Variants in HSD11B1L observed in about 807,000 individuals in gnomAD.
HSD11B1L encodes hydroxysteroid 11-beta dehydrogenase 1 like.
Under a neutral mutation model 27.0 loss-of-function variants are expected in HSD11B1L, and 22 were observed. That is an observed-to-expected ratio of 0.81 (90% CI 0.58 to 1.16). The LOEUF is 1.16. Among genes scored for constraint, HSD11B1L ranks in the 50% most tolerant of loss-of-function variants. The pLI, the probability that HSD11B1L is intolerant of heterozygous loss-of-function variation, is 0.00. For synonymous variants in HSD11B1L, 187 were observed against 189.2 expected, an observed-to-expected ratio of 0.99 and a Z score of 0.09; for missense variants, 372 against 401.8, an observed-to-expected ratio of 0.93 and a Z score of 0.63.
rs1346356766 is a variant in HSD11B1L at position 5,687,676 on chromosome 19, C to G, written c.668+8C>G. ...CGCCGCCGAGGCAGTCAGGTGAGGC[C>G]CGGACAAGCTGGGGGCTGGGCTGGG... On this transcript the variant is annotated splice_region_variant and intron_variant, in intron 7 of 7. Transcript: ENST00000339423. This position sits in a 1 kb window ranked among gnomAD's most constrained non-coding sequence, Gnocchi z 6.6. 1 of 1,570,990 alleles carries G rather than the reference C, an allele frequency of 6.4e-7. No homozygotes were observed. The highest frequency in any genetic ancestry group is 8.6e-7 in the Non-Finnish European group (1 of 1,163,790).
rs1287228024 is a variant in HSD11B1L, at chr19:5,685,830, G to A, written c.205-586G>A. ...GAGTCAGGAGAATCACTTGAACCCC[G>A]GAGGCAGAGGTTGCAGTGAGCCGAG... On this transcript the variant is annotated intron_variant, in intron 3 of 7. Coordinates refer to ENST00000339423, the MANE Select transcript of HSD11B1L (RefSeq NM_198706.3). The surrounding 1 kb of genome is among the most constrained non-coding windows in gnomAD (Gnocchi z 4.3). Among the ~76,000 whole-genome samples the A allele has an allele frequency of 2.6e-5, 4 of 152,118 alleles. No individual in the cohort carries two copies. Among genetic ancestry groups the A allele is most frequent in the African/African-American group, 7.2e-5 (3 of 41,428 alleles).
At chr19:5,681,620 G>GTCCA (rs547679811) in intron 1 of HSD11B1L, among the ~76,000 whole-genome samples, 5,719 of 149,600 alleles carry the variant, frequency 0.038, 285 homozygotes, top group African/African-American at 0.12. Context: ...TCATCTATCC[G>GTCCA]TCCATCCATC....
chr19:5,684,092 C>G, intron 1 of HSD11B1L: 1 of 465,828 alleles, frequency 2.1e-6, no homozygotes, highest in Non-Finnish European at 3.9e-6. Flanking sequence ...TCTCCTGCCT[C>G]AGCCTCCCAA....
In HSD11B1L at chr19:5,687,750, C is replaced by T; in HGVS notation, c.669-3C>T. On this transcript the variant is annotated splice_polypyrimidine_tract_variant and splice_region_variant and intron_variant, in intron 7 of 7. Coordinates refer to ENST00000339423, the MANE Select transcript of HSD11B1L (RefSeq NM_198706.3). This position sits in a 1 kb window ranked among gnomAD's most constrained non-coding sequence, Gnocchi z 6.6. ...AGTCCCCACCGTGCCCTCCTGTCCCCAGGGGAGTCACGAGGGTCAAGGCGG... is the reference window on the plus strand; with the variant it reads ...AGTCCCCACCGTGCCCTCCTGTCCCTAGGGGAGTCACGAGGGTCAAGGCGG... 4 of 1,485,850 alleles carry T rather than the reference C, an allele frequency of 2.7e-6. No individual in the cohort carries two copies. Among genetic ancestry groups the T allele is most frequent in the Non-Finnish European group, 3.6e-6 (4 of 1,123,974 alleles). The allele number at this position is 1,485,850 out of a possible 1,614,324, so 92.0% of individuals were successfully genotyped here.
At position 5,688,215 on chromosome 19, in the gene HSD11B1L, T is replaced by C; in HGVS notation, c.*270T>C. ...GATTGATGACGTGACTGCTTCCATTTTGCAGATGAGGAAACTAAGGCTCAG... is the reference window on the plus strand; with the variant it reads ...GATTGATGACGTGACTGCTTCCATTCTGCAGATGAGGAAACTAAGGCTCAG... On this transcript the variant is annotated 3_prime_UTR_variant, in exon 8 of 8. Transcript: ENST00000339423. 6.5e-7 allele frequency: 1 copy of C among 1,539,138 alleles called. No individual in the cohort carries two copies. Among genetic ancestry groups the C allele is most frequent in the South Asian group, 1.2e-5 (1 of 83,282 alleles).
chr19:5,683,247 C>G (rs1375934337), intron 1 of HSD11B1L, among the ~76,000 whole-genome samples: 2 of 150,708 alleles, frequency 1.3e-5, no homozygotes, highest in African/African-American at 4.9e-5. Flanking sequence ...GACTGTTTCT[C>G]TCTTTCACCT....
rs896693102 is a variant in HSD11B1L, at chr19:5,685,858, C to T, written c.205-558C>T. 5.3e-5 allele frequency among the ~76,000 whole-genome samples: 8 copies of T among 152,156 alleles called. No homozygotes were observed. The highest frequency in any genetic ancestry group is 1.0e-4 in the Non-Finnish European group (7 of 68,030). Reference sequence around the variant, plus strand: ...GGCAGAGGTTGCAGTGAGCCGAGATCGCACTACTGCACTCCAGCCTGGGCA... The same window carrying T: ...GGCAGAGGTTGCAGTGAGCCGAGATTGCACTACTGCACTCCAGCCTGGGCA... On this transcript the variant is annotated intron_variant, in intron 3 of 7. Transcript: ENST00000339423. The surrounding 1 kb of genome is among the most constrained non-coding windows in gnomAD (Gnocchi z 4.3).
chr19:5,687,146 TG>T lies in HSD11B1L; in HGVS notation c.409-135del. ...CTAGCCCAAGCCCCTGCTCCGGCCT[TG>T]ACCCCGCCCTCGGACCCGCCTTCCG... is the stretch of plus-strand genomic sequence containing the variant. On this transcript the variant is annotated intron_variant, in intron 5 of 7. Coordinates refer to ENST00000339423, the MANE Select transcript of HSD11B1L (RefSeq NM_198706.3). The surrounding 1 kb of genome is among the most constrained non-coding windows in gnomAD (Gnocchi z 6.6). 1 of 1,179,008 alleles carries T rather than the reference TG, an allele frequency of 8.5e-7. No homozygotes were observed. Among genetic ancestry groups the T allele is most frequent in the Non-Finnish European group, 1.2e-6 (1 of 836,148 alleles). The allele number at this position is 1,179,008 out of a possible 1,614,324, so 73.0% of individuals were successfully genotyped here. A position where few individuals can be genotyped will look rare whatever the true frequency, so the allele number is the denominator to read the frequency against.
rs1439016787 is a variant in HSD11B1L at position 5,687,639 on chromosome 19, A to T, written c.639A>T (p.Arg213=). ...VAITMCVLGL[R]DRASAAEAVR... is the part of the protein sequence containing the mutation. ...TCACCATGTGCGTCCTGGGCCTCCG[A>T]GATCGCGCCTCCGCCGCCGAGGCAG... The change falls in exon 7 of 8, where the codon CGA becomes CGT. Residue 213 remains arginine, a synonymous_variant. Coordinates refer to ENST00000339423, the MANE Select transcript of HSD11B1L (RefSeq NM_198706.3). This position sits in a 1 kb window ranked among gnomAD's most constrained non-coding sequence, Gnocchi z 6.6. The T allele has an allele frequency of 6.3e-7, 1 of 1,593,894 alleles. No homozygotes were observed. Among genetic ancestry groups the T allele is most frequent in the Non-Finnish European group, 8.5e-7 (1 of 1,176,130 alleles).
chr19:5,681,064 C>A lies in HSD11B1L; in HGVS notation c.-222C>A, dbSNP rs1383055911. ...AGACCAGGCGGGCACTGTTGCCCGG[C>A]GACGCTCCGGCGCTGGGTCCCCGAG... On this transcript the variant is annotated 5_prime_UTR_variant, in exon 1 of 8. Coordinates refer to ENST00000339423, the MANE Select transcript of HSD11B1L (RefSeq NM_198706.3). 1 of 152,478 alleles carries A rather than the reference C, an allele frequency of 6.6e-6. No homozygotes were observed. The highest frequency in any genetic ancestry group is 2.4e-5 in the African/African-American group (1 of 41,426). 9.4% of individuals were successfully genotyped at this position (152,478 alleles called of 1,614,324 possible).
intron 1 of HSD11B1L, among the ~76,000 whole-genome samples, chr19:5,684,511 C>T (rs1437072492): frequency 4.6e-5 from 7 of 152,214 alleles, no homozygotes; most frequent in Non-Finnish European, 1.0e-4. Context: ...CAGGTCCACA[C>T]AGGGCGTTTG....
chr19:5,684,993 C>T lies in HSD11B1L; in HGVS notation c.78C>T (p.Ser26=). 6.2e-7 allele frequency: 1 copy of T among 1,607,860 alleles called. No homozygotes were observed. The highest frequency in any genetic ancestry group is 8.5e-7 in the Non-Finnish European group (1 of 1,177,228). ...GACCACCCCGGCTATGGCCAGCCAG[C>T]CTCCAGGGAGCGCGAGTGCTGCTGA... ...YYWDDNFDPA[S]LQGARVLLTG... Residue 26 remains serine, a synonymous_variant, in exon 3 of 8, where the codon AGC becomes AGT. Transcript: ENST00000339423.
At chr19:5,686,815 C>T (rs1191346730) in intron 4 of HSD11B1L, 85 bp from the exon 5 acceptor site, 2 of 1,175,648 alleles carry the variant, frequency 1.7e-6, no homozygotes, top group Non-Finnish European at 2.4e-6. Context: ...TGGACCAGCG[C>T]TCTGGGTGGA....
Position 5,687,172 on chromosome 19 carries a change from G to A in HSD11B1L, c.409-110G>A, listed in dbSNP as rs2054719288. 4 of 1,298,582 alleles carry A rather than the reference G, an allele frequency of 3.1e-6. No homozygotes were observed. Among genetic ancestry groups the A allele is most frequent in the Non-Finnish European group, 3.2e-6 (3 of 939,128 alleles). 80.4% of individuals were successfully genotyped at this position (1,298,582 alleles called of 1,614,324 possible). A position where few individuals can be genotyped will look rare whatever the true frequency, so the allele number is the denominator to read the frequency against. On this transcript the variant is annotated intron_variant, in intron 5 of 7. Coordinates refer to ENST00000339423, the MANE Select transcript of HSD11B1L (RefSeq NM_198706.3). The surrounding 1 kb of genome is among the most constrained non-coding windows in gnomAD (Gnocchi z 6.6). The stretch of plus-strand genomic sequence containing the variant: ...GACCCCGCCCTCGGACCCGCCTTCC[G>A]GGTTTCTGGCCCCGTCTCTGACCCG...
chr19:5,682,047 G>C (rs917520751), intron 1 of HSD11B1L, among the ~76,000 whole-genome samples: 1 of 152,210 alleles, frequency 6.6e-6, no homozygotes, highest in Admixed American at 6.5e-5. Flanking sequence ...GTGTGTCTGG[G>C]AAAGGTGAGG....
chr19:5,688,433 G>T lies in HSD11B1L; in HGVS notation c.*488G>T. The T allele has an allele frequency of 1.8e-6, 1 of 553,178 alleles. No individual in the cohort carries two copies. Among genetic ancestry groups the T allele is most frequent in the Admixed American group, 3.3e-5 (1 of 30,152 alleles). The allele number at this position is 553,178 out of a possible 1,614,324, so 34.3% of individuals were successfully genotyped here. On this transcript the variant is annotated 3_prime_UTR_variant, in exon 8 of 8. Coordinates refer to ENST00000339423, the MANE Select transcript of HSD11B1L (RefSeq NM_198706.3). The stretch of plus-strand genomic sequence containing the variant: ...GTCTACACTGTTCGTCTACCTGGTG[G>T]CAGGGTCTGAGCGGGAGGAGGAGGG...
At chr19:5,683,170 G>A (rs969062224) in intron 1 of HSD11B1L, among the ~76,000 whole-genome samples, 1 of 133,636 alleles carries the variant, frequency 7.5e-6, no homozygotes, top group African/African-American at 2.8e-5. Flanking sequence ...ATTACAAAGT[G>A]TAATCCCAGC....
At position 5,687,234 on chromosome 19, in the gene HSD11B1L, TG is replaced by T. The variant is rs2054721778; in HGVS notation, c.409-47del. ...GCCCTCTGGGTTTCTGGCCCCGCCCTGCCCCTGGGCTCCGCCTCTGCCGGTG... is the reference window on the plus strand; with the variant it reads ...GCCCTCTGGGTTTCTGGCCCCGCCCTCCCCTGGGCTCCGCCTCTGCCGGTG... On this transcript the variant is annotated intron_variant, in intron 5 of 7. Coordinates refer to ENST00000339423, the MANE Select transcript of HSD11B1L (RefSeq NM_198706.3). The surrounding 1 kb of genome is among the most constrained non-coding windows in gnomAD (Gnocchi z 6.6). 6.3e-7 allele frequency: 1 copy of T among 1,592,592 alleles called. No homozygotes were observed. The highest frequency in any genetic ancestry group is 1.7e-5 in the Admixed American group (1 of 59,256).
Position 5,687,508 on chromosome 19 carries a change from G to T in HSD11B1L, c.508G>T (p.Val170Leu). 1.3e-6 allele frequency: 2 copies of T among 1,596,964 alleles called. No individual in the cohort carries two copies. Among genetic ancestry groups the T allele is most frequent in the Non-Finnish European group, 8.5e-7 (1 of 1,177,982 alleles). ...LVVVSSLLGR[V>L]PTSFSTPYSA... ...GCTGCCGTCCGCGCCCCCAGGCCGC[G>T]TGCCCACGTCGTTCTCCACTCCCTA... The change falls in exon 7 of 8, where the codon GTG (valine) becomes TTG (leucine). Residue 170 changes from valine to leucine, a missense_variant. Physicochemically the swap from Val to Leu is conservative, Grantham distance 32 (BLOSUM62 1). Transcript: ENST00000339423. This position sits in a 1 kb window ranked among gnomAD's most constrained non-coding sequence, Gnocchi z 6.6.
Sources: allele counts gnomAD v4.1 joint callset (sites outside exome capture counted in the v4.1 genomes callset), GRCh38; gene constraint gnomAD v4.1.1; non-coding constraint Gnocchi (gnomAD v3.1); transcripts MANE v1.5; gene names NCBI Gene and HGNC (gene_info 2026-07-23, HGNC 2026-07-21).